Variants in SKAP2 observed in about 807,000 individuals in gnomAD.
SKAP2 encodes the protein src kinase-associated phosphoprotein 2.
SKAP2 carries 28 observed loss-of-function variants against 54.9 expected under a neutral mutation model. That is an observed-to-expected ratio of 0.51 (90% CI 0.38 to 0.70). SKAP2 has a LOEUF of 0.70. SKAP2 is among the 30% of genes least tolerant of loss of function. The probability of loss-of-function intolerance (pLI) is 0.00; values close to 1 mark genes in which losing one functional copy is unlikely to be tolerated. For missense variants in SKAP2, 356 were observed against 424.1 expected (o/e 0.84, Z 1.41); for synonymous variants, 137 against 134.3 (o/e 1.02, Z -0.14).
intron 4 of SKAP2, among the ~76,000 whole-genome samples, chr7:26,800,639 T>C (rs1293780271): frequency 6.6e-6 from 1 of 151,748 alleles, no homozygotes; most frequent in African/African-American, 2.4e-5. Context: ...TCCAAATAAA[T>C]AAAATCAGAA....
At chr7:26,779,790 T>A (rs555038942) in intron 4 of SKAP2, among the ~76,000 whole-genome samples, 12 of 152,046 alleles carry the variant, frequency 7.9e-5, no homozygotes, top group Admixed American at 2.0e-4. Context: ...TAGAGTCTGC[T>A]TTTAAAAAAC....
intron 4 of SKAP2, among the ~76,000 whole-genome samples, chr7:26,829,231 A>G (rs966505323): frequency 1.3e-5 from 2 of 152,120 alleles, no homozygotes; most frequent in African/African-American, 4.8e-5. Context: ...ACTTAACAAT[A>G]AATAGGCCAG....
chr7:26,798,207 T>C (rs1163351688), intron 4 of SKAP2, among the ~76,000 whole-genome samples: 1 of 151,714 alleles, frequency 6.6e-6, no homozygotes, highest in African/African-American at 2.4e-5. Context: ...ACAAATAGCA[T>C]ACAATGAAGC....
chr7:26,809,613 GT>G (rs1283036462), intron 4 of SKAP2, among the ~76,000 whole-genome samples: 1 of 152,182 alleles, frequency 6.6e-6, no homozygotes, highest in East Asian at 1.9e-4. Flanking sequence ...ACCAGTGTTT[GT>G]GAGGATGTGA....
chr7:26,797,202 G>A (rs926596915), intron 4 of SKAP2, among the ~76,000 whole-genome samples: 6 of 152,210 alleles, frequency 3.9e-5, no homozygotes, highest in African/African-American at 4.8e-5. Context: ...CCAGGGCCTC[G>A]AGCTAAAATA....
At chr7:26,773,833 C>T (rs1783241078) in intron 4 of SKAP2, among the ~76,000 whole-genome samples, 1 of 152,126 alleles carries the variant, frequency 6.6e-6, no homozygotes, top group African/African-American at 2.4e-5. Context: ...ATTATAGAAG[C>T]TTAACACATA....
chr7:26,787,632 GCTT>G (rs1390118634), intron 4 of SKAP2, among the ~76,000 whole-genome samples: 1 of 152,118 alleles, frequency 6.6e-6, no homozygotes, highest in African/African-American at 2.4e-5. Context: ...TGGCCAGGAA[GCTT>G]TTTTACTCAT....
chr7:26,745,027 T>C (rs1465440905), intron 4 of SKAP2, among the ~76,000 whole-genome samples: 1 of 152,308 alleles, frequency 6.6e-6, no homozygotes, highest in South Asian at 2.1e-4. Flanking sequence ...CACACTTTTT[T>C]GGTTGTTTAA....
Position 26,842,658 on chromosome 7 carries a change from T to C in SKAP2, c.307+1372A>G, listed in dbSNP as rs1215312309. Among the ~76,000 whole-genome samples, 10 of 146,978 alleles carry C rather than the reference T, an allele frequency of 6.8e-5. No individual in the cohort carries two copies. The Admixed American group carries it at 6.8e-4, about 10-fold the overall frequency. On this transcript the variant is annotated intron_variant, in intron 4 of 12. Transcript: ENST00000345317. Reference sequence around the variant, plus strand: ...ATGTGTATACACACATACATTCATATATACCAACATTTTACAGAGAAATAA... The same window carrying C: ...ATGTGTATACACACATACATTCATACATACCAACATTTTACAGAGAAATAA...
intron 9 of SKAP2, among the ~76,000 whole-genome samples, chr7:26,692,475 C>A (rs148938780): frequency 1.3e-5 from 2 of 152,096 alleles, no homozygotes; most frequent in Admixed American, 6.5e-5. Flanking sequence ...GCATTTCAAC[C>A]AAGCTTGAGA....
At chr7:26,851,024 T>C (rs1785028278) in intron 3 of SKAP2, among the ~76,000 whole-genome samples, 1 of 152,074 alleles carries the variant, frequency 6.6e-6, no homozygotes, top group Non-Finnish European at 1.5e-5. Context: ...TCTACCAGTG[T>C]AAACTATTCT....
At chr7:26,859,273 A>G (rs1785234820) in intron 1 of SKAP2, among the ~76,000 whole-genome samples, 2 of 152,220 alleles carry the variant, frequency 1.3e-5, no homozygotes, top group African/African-American at 2.4e-5. Context: ...ATCAGGAAAA[A>G]AAAAAAAAAA....
chr7:26,730,633 T>A (rs1256131535), intron 6 of SKAP2, among the ~76,000 whole-genome samples: 1 of 152,200 alleles, frequency 6.6e-6, no homozygotes, highest in East Asian at 1.9e-4. Flanking sequence ...CACTTTAACC[T>A]AACCTCTATC....
At chr7:26,774,129 A>G (rs1783248592) in intron 4 of SKAP2, among the ~76,000 whole-genome samples, 1 of 152,114 alleles carries the variant, frequency 6.6e-6, no homozygotes, top group Admixed American at 6.5e-5. Flanking sequence ...CCTGGCCAAC[A>G]TGGTGAAACC....
At chr7:26,839,931 A>T (rs1426695160) in intron 4 of SKAP2, among the ~76,000 whole-genome samples, 1 of 152,180 alleles carries the variant, frequency 6.6e-6, no homozygotes, top group Middle Eastern at 3.4e-3. Context: ...AAAATGATTT[A>T]CATGCTTTAT....
chr7:26,732,864 T>TA (rs1198027091), intron 6 of SKAP2, among the ~76,000 whole-genome samples: 3 of 152,228 alleles, frequency 2.0e-5, no homozygotes, highest in Non-Finnish European at 4.4e-5. Context: ...AGACCCTTAG[T>TA]AAAACTTGGT....
intron 9 of SKAP2, among the ~76,000 whole-genome samples, chr7:26,721,950 T>C (rs1190281470): frequency 1.3e-5 from 2 of 152,218 alleles, no homozygotes; most frequent in Non-Finnish European, 2.9e-5. Context: ...TACAAACCTG[T>C]GCTGAGCCAA....
chr7:26,817,486 T>C (rs1784292402), intron 4 of SKAP2, among the ~76,000 whole-genome samples: 2 of 152,126 alleles, frequency 1.3e-5, no homozygotes, highest in African/African-American at 2.4e-5. Flanking sequence ...ATATCATGTA[T>C]ATAAAGAACA....
chr7:26,715,441 T>A (rs1787408545), intron 9 of SKAP2, among the ~76,000 whole-genome samples: 1 of 152,030 alleles, frequency 6.6e-6, no homozygotes, highest in Admixed American at 6.6e-5. Flanking sequence ...GCCTTTATAG[T>A]TCTGTCATCT....
Sources: allele counts gnomAD v4.1 joint callset (sites outside exome capture counted in the v4.1 genomes callset), GRCh38; gene constraint gnomAD v4.1.1; transcripts MANE v1.5; gene names NCBI Gene and HGNC (gene_info 2026-07-23, HGNC 2026-07-21).